VAV1: variants seen among roughly 807,000 people sequenced by gnomAD.
The protein encoded by VAV1 is proto-oncogene vav.
In VAV1, 33 loss-of-function variants were observed where a neutral mutation model predicts 128.1. The observed-to-expected ratio is 0.26, with a 90% CI of 0.20 to 0.34. VAV1 has a LOEUF of 0.34. Among genes scored for constraint, VAV1 ranks in the 10% least tolerant of loss-of-function variants. VAV1 has a pLI of 1.00. For synonymous variants in VAV1, 394 were observed against 409.8 expected (o/e 0.96, Z 0.47); for missense variants, 715 against 1,093.7 (o/e 0.65, Z 4.88).
intron 1 of VAV1, among the ~76,000 whole-genome samples, chr19:6,814,706 T>C (rs1203779333): frequency 5.3e-4 from 73 of 137,266 alleles, no homozygotes; most frequent in African/African-American, 2.0e-3. Flanking sequence ...CTTTCTTTCT[T>C]TCTTTCTTTC....
chr19:6,789,366 C>A (rs977012942), intron 1 of VAV1, among the ~76,000 whole-genome samples: 2 of 151,876 alleles, frequency 1.3e-5, no homozygotes, highest in Non-Finnish European at 2.9e-5. Flanking sequence ...CATTCTCCTG[C>A]CTCAGCCTCC....
At chr19:6,811,546 T>C (rs531858639) in intron 1 of VAV1, among the ~76,000 whole-genome samples, 2 of 152,102 alleles carry the variant, frequency 1.3e-5, no homozygotes, top group South Asian at 2.1e-4. Context: ...GCTGAAGACA[T>C]TGGGGAAGGT....
intron 26 of VAV1, 110 bp downstream of exon 26, chr19:6,854,208 C>T: frequency 1.4e-6 from 2 of 1,409,544 alleles, no homozygotes; most frequent in South Asian, 1.3e-5. Context: ...ATGGAGATCT[C>T]TCACGGTGGG....
At chr19:6,785,164 T>TTC (rs145477808) in intron 1 of VAV1, among the ~76,000 whole-genome samples, 1 of 151,734 alleles carries the variant, frequency 6.6e-6, no homozygotes, top group Non-Finnish European at 1.5e-5. Flanking sequence ...AGGTTTCTCT[T>TTC]TCTCTCTCTC....
intron 24 of VAV1, among the ~76,000 whole-genome samples, chr19:6,852,070 A>G (rs1972683562): frequency 6.6e-6 from 1 of 152,162 alleles, no homozygotes; most frequent in African/African-American, 2.4e-5. Flanking sequence ...CTAGAGTGCA[A>G]TGTTGTGATC....
intron 1 of VAV1, among the ~76,000 whole-genome samples, chr19:6,804,444 T>TC (rs1038717345): frequency 2.0e-5 from 3 of 151,934 alleles, no homozygotes; most frequent in Non-Finnish European, 4.4e-5. Context: ...AGAGACAGAG[T>TC]CTTGCTCTGT....
chr19:6,796,136 A>G (rs1971129162), intron 1 of VAV1, among the ~76,000 whole-genome samples: 2 of 152,102 alleles, frequency 1.3e-5, no homozygotes, highest in South Asian at 4.1e-4. Context: ...TCTCAACACC[A>G]TTGCATTGGG....
rs1972568648 is a variant in VAV1, at chr19:6,848,009, C to G, written c.2024C>G (p.Pro675Arg). ...GTGTCTCTTTGCAGGTACGCAGGCC[C>G]CATGGAGCGGGCAGGGGCAGAGAGC... ...DLSVHLWYAG[P>R]MERAGAESIL... is the part of the protein sequence containing the mutation. Residue 675 changes from proline (P) to arginine (R), a missense_variant, in exon 23 of 27, where the codon CCC (proline) becomes CGC (arginine). Physicochemically the swap from Pro to Arg is moderately radical, Grantham distance 103. Coordinates refer to ENST00000602142, the MANE Select transcript of VAV1 (RefSeq NM_005428.4). The G allele has an allele frequency of 6.6e-7, 1 of 1,519,240 alleles. No homozygotes were observed. The allele number at this position is 1,519,240 out of a possible 1,614,324, so 94.1% of individuals were successfully genotyped here. A position where few individuals can be genotyped will look rare whatever the true frequency, so the allele number is the denominator to read the frequency against.
At chr19:6,774,753 T>TA (rs1290288929) in intron 1 of VAV1, among the ~76,000 whole-genome samples, 4 of 151,278 alleles carry the variant, frequency 2.6e-5, no homozygotes, top group African/African-American at 7.3e-5. Flanking sequence ...TGTTTTTTTT[T>TA]ATCTTATCTT....
chr19:6,832,206 TCCC>T lies in VAV1; in HGVS notation c.1508+8_1508+10del. The T allele has an allele frequency of 6.2e-7, 1 of 1,613,190 alleles. No individual in the cohort carries two copies. The highest frequency in any genetic ancestry group is 8.5e-7 in the Non-Finnish European group (1 of 1,179,318). ...GAGCAGTTTGAGATGGCCATGTGAGTCCCCGTCTTCCTCCCTCTTTCTGTCCAC... is the reference window on the plus strand; with the variant it reads ...GAGCAGTTTGAGATGGCCATGTGAGTCGTCTTCCTCCCTCTTTCTGTCCAC... On this transcript the variant is annotated splice_region_variant and intron_variant, in intron 15 of 26. Transcript: ENST00000602142.
At chr19:6,810,238 G>C (rs976722683) in intron 1 of VAV1, among the ~76,000 whole-genome samples, 1 of 152,100 alleles carries the variant, frequency 6.6e-6, no homozygotes, top group Admixed American at 6.6e-5. Context: ...CTGCTCAGGA[G>C]GCTGAGGCAG....
intron 1 of VAV1, among the ~76,000 whole-genome samples, chr19:6,790,355 T>C (rs1442716210): frequency 6.6e-6 from 1 of 152,098 alleles, no homozygotes; most frequent in African/African-American, 2.4e-5. Context: ...GGGGGTGGTG[T>C]TTTTGTTCCT....
At chr19:6,788,413 C>A (rs946022794) in intron 1 of VAV1, among the ~76,000 whole-genome samples, 5 of 150,864 alleles carry the variant, frequency 3.3e-5, no homozygotes, top group African/African-American at 1.2e-4. Context: ...TGCTCTGTTG[C>A]CCAGGCTGGA....
At chr19:6,841,482 T>C (rs76326178) in intron 21 of VAV1, among the ~76,000 whole-genome samples, 150 of 150,462 alleles carry the variant, frequency 1.0e-3, no homozygotes, top group African/African-American at 3.6e-3. Context: ...TCTTTTCTTT[T>C]TTTTTTTTTT....
At position 6,822,541 on chromosome 19, in the gene VAV1, C is replaced by T. The variant is rs759478082; in HGVS notation, c.654+27C>T. On this transcript the variant is annotated intron_variant, in intron 6 of 26. Coordinates refer to ENST00000602142, the MANE Select transcript of VAV1 (RefSeq NM_005428.4). The surrounding 1 kb of genome is among the most constrained non-coding windows in gnomAD (Gnocchi z 5.9). ...TGGGCGCCTCCCACCCAGCGCCTGC[C>T]GGGCGCATGCGCGGGAGCTGGGCCG... 1.4e-4 allele frequency: 221 copies of T among 1,539,154 alleles called. No individual in the cohort carries two copies. Among genetic ancestry groups the T allele is most frequent in the Non-Finnish European group, 1.9e-4 (212 of 1,144,264 alleles).
intron 1 of VAV1, among the ~76,000 whole-genome samples, chr19:6,807,989 C>CAAAAAA (rs980612666): frequency 1.5e-4 from 8 of 52,076 alleles, no homozygotes; most frequent in Admixed American, 2.1e-4. Context: ...GACTCTGTCT[C>CAAAAAA]AAAAAAAAAA....
intron 1 of VAV1, among the ~76,000 whole-genome samples, chr19:6,795,420 A>G (rs1268277485): frequency 6.6e-6 from 1 of 152,154 alleles, no homozygotes; most frequent in Non-Finnish European, 1.5e-5. Flanking sequence ...TGAAGACCAG[A>G]GGAGACAGTT....
chr19:6,856,400 G>A (rs940087656), intron 26 of VAV1, among the ~76,000 whole-genome samples: 2 of 151,822 alleles, frequency 1.3e-5, no homozygotes, highest in East Asian at 1.9e-4. Flanking sequence ...TGAATCAGAC[G>A]GTGATATGTG....
chr19:6,800,666 C>T (rs1338978538), intron 1 of VAV1, among the ~76,000 whole-genome samples: 2 of 150,044 alleles, frequency 1.3e-5, no homozygotes, highest in Non-Finnish European at 3.0e-5. Flanking sequence ...GGTCTGTTGC[C>T]CAGGCTGTGC....
Sources: gnomAD v4.1 joint callset for allele counts (sites outside exome capture counted in the v4.1 genomes callset) on GRCh38, gnomAD v4.1.1 for gene constraint, Gnocchi (gnomAD v3.1) non-coding constraint, MANE v1.5 for transcripts, NCBI Gene and HGNC (gene_info 2026-07-23, HGNC 2026-07-21) for gene names.